SRCAP: variants seen among roughly 807,000 people sequenced by gnomAD.
SRCAP encodes chromatin remodeling protein SRCAP.
SRCAP carries 46 observed loss-of-function variants against 263.1 expected under a neutral mutation model. The observed-to-expected ratio is 0.17, with a 90% CI of 0.14 to 0.22. The LOEUF (loss-of-function observed/expected upper bound fraction) is 0.22. Ranked by LOEUF, SRCAP falls within the 10% of genes least tolerant of loss-of-function variation. The pLI is 1.00. For synonymous variants in SRCAP, 1,813 were observed against 1,662.1 expected (o/e 1.09, Z -2.21); for missense variants, 3,695 against 4,181.9 (o/e 0.88, Z 3.21).
intron 9 of SRCAP, 40 bp from the exon 10 acceptor site, chr16:30,710,959 G>C: frequency 6.2e-7 from 1 of 1,601,470 alleles, no homozygotes; most frequent in South Asian, 1.1e-5. Context: ...TGTGCCTCTA[G>C]CCTCTATCCC....
intron 18 of SRCAP, among the ~76,000 whole-genome samples, chr16:30,719,678 T>C (rs2052990477): frequency 6.6e-6 from 1 of 152,150 alleles, no homozygotes; most frequent in Non-Finnish European, 1.5e-5. Flanking sequence ...CATGCCTGGC[T>C]AATTTTTGTA....
rs750933379 is a variant in SRCAP at position 30,729,515 on chromosome 16, A to G, written c.6070A>G (p.Ile2024Val). The change falls in exon 27 of 34, where the codon ATT becomes GTT. Residue 2024 changes from isoleucine (I) to valine (V), a missense_variant. This residue lies in a region of SRCAP where 138 missense variants were observed against 254.9 expected (regional missense o/e 0.54). Transcript: ENST00000262518. The part of the protein sequence containing the change: ...LWPRARPLHR[I>V]VCNMRTQFPD... Reference sequence around the variant, plus strand: ...GCCCCGGGCTCGTCCTTTGCACCGTATTGTGTGTAACATGCGCACCCAGTT... The same window carrying G: ...GCCCCGGGCTCGTCCTTTGCACCGTGTTGTGTGTAACATGCGCACCCAGTT... The G allele has an allele frequency of 2.5e-6, 4 of 1,613,992 alleles. No individual in the cohort carries two copies. The Admixed American group carries it at 5.0e-5, about 20-fold the overall frequency.
At chr16:30,711,489 TA>T in intron 10 of SRCAP, 81 bp from the exon 11 acceptor site, 1 of 1,394,696 alleles carries the variant, frequency 7.2e-7, no homozygotes, top group Non-Finnish European at 9.7e-7. Flanking sequence ...TACAGAGACC[TA>T]GGTAAAATTA....
chr16:30,709,403 C>T, intron 6 of SRCAP, 110 bp from the exon 7 acceptor site: 1 of 1,168,944 alleles, frequency 8.6e-7, no homozygotes, highest in Non-Finnish European at 1.2e-6. Flanking sequence ...TTTTACTTTC[C>T]TAAGAGGCCA....
At chr16:30,735,589 T>TTTTG (rs1555465797) in intron 31 of SRCAP, among the ~76,000 whole-genome samples, 8 of 146,572 alleles carry the variant, frequency 5.5e-5, no homozygotes, top group African/African-American at 1.8e-4. Flanking sequence ...TTTTTTTTTT[T>TTTTG]GGAGACGGAG....
Position 30,739,453 on chromosome 16 carries a change from G to T in SRCAP, c.9413G>T (p.Arg3138Leu), listed in dbSNP as rs768891825. The T allele has an allele frequency of 6.2e-7, 1 of 1,614,166 alleles. No individual in the cohort carries two copies. Among genetic ancestry groups the T allele is most frequent in the Non-Finnish European group, 8.5e-7 (1 of 1,180,038 alleles). The part of the protein sequence containing the change: ...VPPLETEKLP[R>L]KRAGAPVGGS... The stretch of plus-strand genomic sequence containing the variant: ...CCACTAGAGACTGAGAAGTTGCCTC[G>T]CAAACGAGCAGGGGCCCCAGTTGGT... The change falls in exon 34 of 34, where the codon CGC (arginine) becomes CTC (leucine). Residue 3138 changes from arginine to leucine, a missense_variant. By Grantham distance (102) the Arg-to-Leu change is moderately radical. This residue lies in a region of SRCAP where 1,207 missense variants were observed against 1,142.9 expected (regional missense o/e 1.06). Coordinates refer to ENST00000262518, the MANE Select transcript of SRCAP (RefSeq NM_006662.3).
Position 30,711,898 on chromosome 16 carries a change from G to A in SRCAP, c.1556G>A (p.Gly519Glu). ...CATTCAGAGGAGGAAGAAACAAGTG[G>A]AAGTTCAGCATCAGAGGAATCTGAG... ...DEHSEEEETS[G>E]SSASEESESE... Residue 519 changes from glycine (G) to glutamate (E), a missense_variant, in exon 12 of 34, where the codon GGA (glycine) becomes GAA (glutamate). Transcript: ENST00000262518. The A allele has an allele frequency of 1.2e-6, 2 of 1,613,854 alleles. No homozygotes were observed. The highest frequency in any genetic ancestry group is 1.7e-6 in the Non-Finnish European group (2 of 1,180,008).
intron 3 of SRCAP, 89 bp from the exon 4 acceptor site, chr16:30,703,975 T>C (rs1397990634): frequency 6.8e-7 from 1 of 1,462,594 alleles, no homozygotes. Flanking sequence ...ACACAGTTTT[T>C]TCTTGTGAAG....
Position 30,721,518 on chromosome 16 carries a change from G to C in SRCAP, c.3541+42G>C, listed in dbSNP as rs757105731. ...CTGTGGTGAGGGACTTGAGATGGGAGGAAAGCTCAGGACCATGAGAGCATC... is the reference window on the plus strand; with the variant it reads ...CTGTGGTGAGGGACTTGAGATGGGACGAAAGCTCAGGACCATGAGAGCATC... On this transcript the variant is annotated intron_variant, in intron 21 of 33. Coordinates refer to ENST00000262518, the MANE Select transcript of SRCAP (RefSeq NM_006662.3). 7 of 1,589,674 alleles carry C rather than the reference G, an allele frequency of 4.4e-6. No individual in the cohort carries two copies. The Admixed American group carries it at 1.2e-4, about 27-fold the overall frequency.
chr16:30,703,963 C>G (rs1243553441), intron 3 of SRCAP, 101 bp from the exon 4 acceptor site: 1 of 1,398,640 alleles, frequency 7.1e-7, no homozygotes, highest in African/African-American at 1.4e-5. Context: ...ATACCTTACT[C>G]TACACAGTTT....
Position 30,739,668 on chromosome 16 carries a change from A to G in SRCAP, c.9628A>G (p.Ser3210Gly), listed in dbSNP as rs1216640911. 1.3e-6 allele frequency: 2 copies of G among 1,571,108 alleles called. No homozygotes were observed. Among genetic ancestry groups the G allele is most frequent in the Non-Finnish European group, 1.7e-6 (2 of 1,160,508 alleles). ...CCAAGGGGACCAGCGCATCCTGCGC[A>G]GCAGCGCCCCTCCCTCCCTGGCTGG... is the stretch of plus-strand genomic sequence containing the variant. Reference protein sequence around the residue: ...TNQGDQRILRSSAPPSLAGPA... With the variant: ...TNQGDQRILRGSAPPSLAGPA... The change falls in exon 34 of 34, where the codon AGC (serine) becomes GGC (glycine). Residue 3210 changes from serine to glycine, a missense_variant. By Grantham distance (56) the Ser-to-Gly change is moderately conservative. Transcript: ENST00000262518.
In SRCAP at chr16:30,723,022, C is replaced by T. The variant is rs753316154; in HGVS notation, c.3952C>T (p.Arg1318Trp). The T allele has an allele frequency of 1.7e-5, 27 of 1,614,004 alleles. No individual in the cohort carries two copies. The highest frequency in any genetic ancestry group is 2.2e-5 in the East Asian group (1 of 44,892). Residue 1318 changes from arginine to tryptophan, a missense_variant, in exon 24 of 34, where the codon CGG becomes TGG. Coordinates refer to ENST00000262518, the MANE Select transcript of SRCAP (RefSeq NM_006662.3). ...VVKIVVRQAPRDGLTPVPPLA... is the reference protein window; with the variant it reads ...VVKIVVRQAPWDGLTPVPPLA... ...GAAGATTGTAGTGAGACAAGCCCCT[C>T]GGGATGGACTGACTCCTGTTCCTCC...
At chr16:30,707,023 C>G (rs909890996) in intron 4 of SRCAP, among the ~76,000 whole-genome samples, 160 bp from the exon 5 acceptor site, 3 of 152,028 alleles carry the variant, frequency 2.0e-5, no homozygotes, top group South Asian at 2.1e-4. Context: ...GATCTTTTTT[C>G]CCTTCTCTGA....
intron 18 of SRCAP, among the ~76,000 whole-genome samples, chr16:30,718,788 A>G (rs955746315): frequency 6.6e-6 from 1 of 151,846 alleles, no homozygotes; most frequent in Non-Finnish European, 1.5e-5. Context: ...TTAAATTTTG[A>G]TGTAGTTCAA....
rs1567251838 is a variant in SRCAP at position 30,733,544 on chromosome 16, T to C, written c.6298-58T>C. ...TCCAGACGGGGTGCCACTAAGCCTT[T>C]AGACCTGTTTTGGGGGATAAGTCTC... On this transcript the variant is annotated intron_variant, in intron 28 of 33. Coordinates refer to ENST00000262518, the MANE Select transcript of SRCAP (RefSeq NM_006662.3). This position sits in a 1 kb window ranked among gnomAD's most constrained non-coding sequence, Gnocchi z 5.3. The C allele has an allele frequency of 1.2e-6, 2 of 1,604,128 alleles. No homozygotes were observed. The highest frequency in any genetic ancestry group is 3.3e-4 in the Middle Eastern group (2 of 6,014).
At chr16:30,719,623 C>T (rs1229824254) in intron 18 of SRCAP, among the ~76,000 whole-genome samples, 1 of 151,484 alleles carries the variant, frequency 6.6e-6, no homozygotes, top group African/African-American at 2.4e-5. Context: ...AAGCAGTCCT[C>T]CCGCCTGAGC....
At chr16:30,722,466 A>T in intron 22 of SRCAP, 97 bp from the exon 23 acceptor site, 2 of 1,454,832 alleles carry the variant, frequency 1.4e-6, no homozygotes, top group Non-Finnish European at 1.9e-6. Context: ...TAGAGAATGT[A>T]TTCCCTCTCT....
At chr16:30,713,060 C>G in intron 14 of SRCAP, 148 bp from the exon 15 acceptor site, 1 of 984,964 alleles carries the variant, frequency 1.0e-6, no homozygotes. Flanking sequence ...GCACCCAGGC[C>G]CCTCCTCTTT....
chr16:30,709,999 G>T lies in SRCAP; in HGVS notation c.1005G>T (p.Leu335=), dbSNP rs369979842. 1.9e-6 allele frequency: 3 copies of T among 1,614,204 alleles called. No homozygotes were observed. Among genetic ancestry groups the T allele is most frequent in the African/African-American group, 1.3e-5 (1 of 75,048 alleles). Reference sequence around the variant, plus strand: ...AGGGAGAATTGCCACTGGAAGAGCTGCTCCGTTCCCTTCCCCCTCAGCTGT... The same window carrying T: ...AGGGAGAATTGCCACTGGAAGAGCTTCTCCGTTCCCTTCCCCCTCAGCTGT... ...RREGELPLEE[L]LRSLPPQLLE... is the part of the protein sequence containing the mutation. The change falls in exon 8 of 34, where the codon CTG becomes CTT. Residue 335 remains leucine, a synonymous_variant. Coordinates refer to ENST00000262518, the MANE Select transcript of SRCAP (RefSeq NM_006662.3).
Sources: gnomAD v4.1 joint callset for allele counts (sites outside exome capture counted in the v4.1 genomes callset) on GRCh38, gnomAD v4.1.1 for gene constraint, gnomAD v4.1.1 regional missense constraint, Gnocchi (gnomAD v3.1) non-coding constraint, MANE v1.5 for transcripts, NCBI Gene and HGNC (gene_info 2026-07-23, HGNC 2026-07-21) for gene names.